SDCCAG8: variants seen among roughly 807,000 people sequenced by gnomAD.
SDCCAG8 encodes SHH signaling and ciliogenesis regulator SDCCAG8.
SDCCAG8 carries 74 observed loss-of-function variants against 101.8 expected under a neutral mutation model. That is an observed-to-expected ratio of 0.73 (90% CI 0.60 to 0.88). The LOEUF (loss-of-function observed/expected upper bound fraction) is 0.88. Among genes scored for constraint, SDCCAG8 ranks in the 40% least tolerant of loss-of-function variants. The probability of loss-of-function intolerance (pLI) is 0.00; values close to 1 mark genes in which losing one functional copy is unlikely to be tolerated. For missense variants in SDCCAG8, 787 were observed against 822.6 expected (o/e 0.96, Z 0.53); for synonymous variants, 281 against 292.9 (o/e 0.96, Z 0.41).
chr1:243,281,722 C>T (rs1229988876), intron 4 of SDCCAG8, among the ~76,000 whole-genome samples: 2 of 140,120 alleles, frequency 1.4e-5, no homozygotes, highest in Non-Finnish European at 3.1e-5. Flanking sequence ...AAGCTCACTA[C>T]AGCCTAGAAC....
intron 13 of SDCCAG8, among the ~76,000 whole-genome samples, chr1:243,386,120 A>G (rs2078271764): frequency 6.6e-6 from 1 of 152,214 alleles, no homozygotes; most frequent in Non-Finnish European, 1.5e-5. Context: ...CCAAGCTGAG[A>G]GCTTCTCATA....
intron 12 of SDCCAG8, among the ~76,000 whole-genome samples, chr1:243,373,140 T>G (rs1355788652): frequency 6.6e-6 from 1 of 152,042 alleles, no homozygotes; most frequent in Non-Finnish European, 1.5e-5. Flanking sequence ...TTACTATGGA[T>G]CTTGGCCAAA....
chr1:243,417,970 A>G lies in SDCCAG8; in HGVS notation c.1747A>G (p.Asn583Asp). Residue 583 changes from asparagine to aspartate, a missense_variant and splice_region_variant, in exon 15 of 18, where the codon AAT becomes GAT. Physicochemically the swap from Asn to Asp is conservative, Grantham distance 23. Coordinates refer to ENST00000366541, the MANE Select transcript of SDCCAG8 (RefSeq NM_006642.5). Reference sequence around the variant, plus strand: ...TGGGGGTTTATTGTTATTTCTAGAAAATGAACAGTATTTGTTGCTGACCTC... The same window carrying G: ...TGGGGGTTTATTGTTATTTCTAGAAGATGAACAGTATTTGTTGCTGACCTC... ...QMEAQHDKTE[N>D]EQYLLLTSQN... 1 of 1,603,806 alleles carries G rather than the reference A, an allele frequency of 6.2e-7. No homozygotes were observed. The highest frequency in any genetic ancestry group is 8.5e-7 in the Non-Finnish European group (1 of 1,170,940).
intron 16 of SDCCAG8, among the ~76,000 whole-genome samples, chr1:243,427,696 G>A (rs1469698785): frequency 1.3e-5 from 2 of 152,082 alleles, no homozygotes; most frequent in Non-Finnish European, 2.9e-5. Context: ...GTGGGGGGGA[G>A]GTATTTTTAC....
At chr1:243,287,790 A>G (rs774641815) in intron 5 of SDCCAG8, among the ~76,000 whole-genome samples, 1 of 152,224 alleles carries the variant, frequency 6.6e-6, no homozygotes, top group Non-Finnish European at 1.5e-5. Flanking sequence ...AATTATTCAT[A>G]GTCCTCAGTA....
intron 17 of SDCCAG8, among the ~76,000 whole-genome samples, chr1:243,490,333 C>T (rs904602378): frequency 6.6e-6 from 1 of 152,208 alleles, no homozygotes; most frequent in Non-Finnish European, 1.5e-5. Context: ...GGGAGCGGGC[C>T]GCTCAAAGTC....
At position 243,274,533 on chromosome 1, in the gene SDCCAG8, T is replaced by A. The variant is rs371148493; in HGVS notation, c.307-10T>A. The A allele has an allele frequency of 5.3e-5, 76 of 1,424,154 alleles. No homozygotes were observed. Among genetic ancestry groups the A allele is most frequent in the Middle Eastern group, 2.1e-4 (1 of 4,870 alleles). 88.2% of individuals were successfully genotyped at this position (1,424,154 alleles called of 1,614,324 possible). A position where few individuals can be genotyped will look rare whatever the true frequency, so the allele number is the denominator to read the frequency against. ...TATTTATGTATTTATTTATTTATTT[T>A]TTGTCATAGAGGTCATTAGAACATG... On this transcript the variant is annotated splice_polypyrimidine_tract_variant and intron_variant, in intron 3 of 17. Coordinates refer to ENST00000366541, the MANE Select transcript of SDCCAG8 (RefSeq NM_006642.5).
At chr1:243,389,496 C>T (rs376828743) in intron 13 of SDCCAG8, among the ~76,000 whole-genome samples, 5 of 152,200 alleles carry the variant, frequency 3.3e-5, no homozygotes, top group African/African-American at 1.2e-4. Context: ...AGATAAGTAC[C>T]GGAATCTACA....
At chr1:243,261,457 C>T (rs567512487) in intron 1 of SDCCAG8, among the ~76,000 whole-genome samples, 1 of 152,158 alleles carries the variant, frequency 6.6e-6, no homozygotes, top group African/African-American at 2.4e-5. Context: ...CTTGTCTTTA[C>T]GAATTGATGT....
intron 17 of SDCCAG8, among the ~76,000 whole-genome samples, chr1:243,497,556 C>T (rs771944221): frequency 1.3e-5 from 2 of 152,134 alleles, no homozygotes; most frequent in South Asian, 2.1e-4. Context: ...GGAGGTCACC[C>T]GTTTCTGGAA....
chr1:243,301,261 GTC>G (rs1299375928), intron 6 of SDCCAG8, among the ~76,000 whole-genome samples: 16 of 152,122 alleles, frequency 1.1e-4, no homozygotes, highest in African/African-American at 3.9e-4. Flanking sequence ...TGTTTTGAGT[GTC>G]TGCTTAAAAC....
intron 4 of SDCCAG8, among the ~76,000 whole-genome samples, chr1:243,283,443 C>T (rs1253260279): frequency 1.3e-5 from 2 of 149,394 alleles, no homozygotes; most frequent in Non-Finnish European, 3.0e-5. Context: ...ATTTATTACA[C>T]AATTTGTAAT....
rs148118107 is a variant in SDCCAG8, at chr1:243,476,504, C to T, written c.1986-12510C>T. On this transcript the variant is annotated intron_variant, in intron 16 of 17. Coordinates refer to ENST00000366541, the MANE Select transcript of SDCCAG8 (RefSeq NM_006642.5). Reference sequence around the variant, plus strand: ...AGGAAGACCTCACCACAGTGTGGAACGTGACATACTCTGGGACCACACCAG... The same window carrying T: ...AGGAAGACCTCACCACAGTGTGGAATGTGACATACTCTGGGACCACACCAG... 65 of 368,344 alleles carry T rather than the reference C, an allele frequency of 1.8e-4. 1 individual carries two copies. In the East Asian group the frequency reaches 7.9e-3, roughly 45 times the overall value. 22.8% of individuals were successfully genotyped at this position (368,344 alleles called of 1,614,324 possible). A position where few individuals can be genotyped will look rare whatever the true frequency, so the allele number is the denominator to read the frequency against.
Position 243,495,226 on chromosome 1 carries a change from G to A in SDCCAG8, c.2113-4530G>A, listed in dbSNP as rs901080919. ...CCACCCCGGCCTCATGTGTGCTGGG[G>A]CCTCCCTGGCCTGTGCGGGGCCGCC... On this transcript the variant is annotated intron_variant, in intron 17 of 17. Transcript: ENST00000366541. Among the ~76,000 whole-genome samples the A allele has an allele frequency of 2.6e-5, 4 of 152,248 alleles. No individual in the cohort carries two copies. The South Asian group carries it at 8.3e-4, about 31-fold the overall frequency.
chr1:243,428,547 C>G (rs1373101842), intron 16 of SDCCAG8, among the ~76,000 whole-genome samples: 1 of 152,064 alleles, frequency 6.6e-6, no homozygotes, highest in African/African-American at 2.4e-5. Context: ...TTGAAAAAAC[C>G]TGCAGACAAA....
chr1:243,376,610 T>G (rs974939079), intron 12 of SDCCAG8, among the ~76,000 whole-genome samples: 13 of 152,180 alleles, frequency 8.5e-5, no homozygotes, highest in Admixed American at 3.3e-4. Context: ...ATTTTATACA[T>G]TTTCTATTCT....
At chr1:243,493,501 G>A (rs1301881853) in intron 17 of SDCCAG8, among the ~76,000 whole-genome samples, 3 of 152,076 alleles carry the variant, frequency 2.0e-5, no homozygotes, top group African/African-American at 7.2e-5. Context: ...TAATGAATAC[G>A]GTTTTGGCTG....
At chr1:243,417,834 G>T in intron 14 of SDCCAG8, 134 bp from the exon 15 acceptor site, 1 of 694,438 alleles carries the variant, frequency 1.4e-6, no homozygotes. Context: ...CTTTGACTTA[G>T]GACATTGAAG....
intron 9 of SDCCAG8, among the ~76,000 whole-genome samples, chr1:243,322,175 G>T (rs2073811544): frequency 6.6e-6 from 1 of 152,214 alleles, no homozygotes; most frequent in Non-Finnish European, 1.5e-5. Context: ...TACGGCACTG[G>T]CTTTTAAGAA....
Sources: gnomAD v4.1 joint callset for allele counts (sites outside exome capture counted in the v4.1 genomes callset) on GRCh38, gnomAD v4.1.1 for gene constraint, MANE v1.5 for transcripts, NCBI Gene and HGNC (gene_info 2026-07-23, HGNC 2026-07-21) for gene names.